The following NR4A1 variants were observed in gnomAD, a reference collection of about 807,000 sequenced individuals.
NR4A1 encodes nuclear receptor subfamily 4immunitygroup A member 1.
A neutral mutation model predicts 47.5 loss-of-function variants in NR4A1; 24 were observed. That is an observed-to-expected ratio of 0.50 (90% CI 0.37 to 0.71). The LOEUF is 0.71. NR4A1 is among the 30% of genes least tolerant of loss of function. NR4A1 has a pLI of 0.00. For missense variants in NR4A1, 669 were observed against 788.6 expected (o/e 0.85, Z 1.82); for synonymous variants, 353 against 345.7 (o/e 1.02, Z -0.24).
At chr12:52,048,391 A>C (rs111466228), upstream of NR4A1, among the ~76,000 whole-genome samples, 2 of 151,318 alleles carry the variant, frequency 1.3e-5, no homozygotes, top group South Asian at 2.1e-4. Context: ...TCAGGAGATC[A>C]AGACCATCCT....
intron 1 of NR4A1, among the ~76,000 whole-genome samples, chr12:52,035,168 A>G (rs552432949): frequency 1.5e-4 from 23 of 152,334 alleles, no homozygotes; most frequent in Non-Finnish European, 2.8e-4. Flanking sequence ...TCCGACAACC[A>G]GTGTCCATCC....
chr12:52,041,528 G>A (rs533867029), intron 1 of NR4A1, among the ~76,000 whole-genome samples: 31 of 152,320 alleles, frequency 2.0e-4, no homozygotes, highest in African/African-American at 6.7e-4. Flanking sequence ...AGGGTATGAG[G>A]TGGAGTTGCT....
intron 4 of NR4A1, 195 bp from the exon 5 acceptor site, chr12:52,056,862 C>A: frequency 3.8e-6 from 3 of 797,782 alleles, no homozygotes; most frequent in Non-Finnish European, 5.8e-6. Context: ...GGCAGGTGGC[C>A]AATTAGAAAA....
Position 52,057,154 on chromosome 12 carries a change from A to G in NR4A1, c.1256A>G (p.Lys419Arg), listed in dbSNP as rs143446097. 99 of 1,613,986 alleles carry G rather than the reference A, an allele frequency of 6.1e-5. No individual in the cohort carries two copies. The highest frequency in any genetic ancestry group is 7.7e-5 in the Non-Finnish European group (91 of 1,179,992). ...TCCGGTTCTCTGGAGGTCATCCGCAAGTGGGCGGAGAAGATCCCTGGCTTT... is the reference window on the plus strand; with the variant it reads ...TCCGGTTCTCTGGAGGTCATCCGCAGGTGGGCGGAGAAGATCCCTGGCTTT... ...LLSGSLEVIR[K>R]WAEKIPGFAE... Residue 419 changes from lysine to arginine, a missense_variant, in exon 5 of 7, where the codon AAG becomes AGG. By Grantham distance (26) the Lys-to-Arg change is conservative. Transcript: ENST00000394825.
chr12:52,057,200 C>T lies in NR4A1; in HGVS notation c.1302C>T (p.Asp434=), dbSNP rs754394464. ...IPGFAELSPA[D]QDLLLESAFL... is the part of the protein sequence containing the mutation. ...GCTTTGCTGAGCTGTCACCGGCTGA[C>T]CAGGACCTGTTGCTGGAGTCGGCCT... Residue 434 remains aspartate, a synonymous_variant, in exon 5 of 7, where the codon GAC becomes GAT. Transcript: ENST00000394825. The T allele has an allele frequency of 1.2e-6, 2 of 1,614,052 alleles. No individual in the cohort carries two copies. The highest frequency in any genetic ancestry group is 2.2e-5 in the East Asian group (1 of 44,886).
At chr12:52,052,233 C>G (rs1293782214) in intron 1 of NR4A1, among the ~76,000 whole-genome samples, 4 of 148,570 alleles carry the variant, frequency 2.7e-5, no homozygotes, top group Admixed American at 2.7e-4. Context: ...TCTCTGTAAG[C>G]ACAGGGAGAA....
rs139565751 is a variant in NR4A1, at chr12:52,031,489, T to C, written c.-84+8550T>C. Among the ~76,000 whole-genome samples the C allele has an allele frequency of 3.7e-4, 56 of 151,632 alleles. 2 individuals are homozygous for C. The East Asian group carries it at 8.8e-3, about 24-fold the overall frequency. Reference sequence around the variant, plus strand: ...CCATCTCTACTAAAAATACAAAAATTAGCCAGGTTTGGTGGCATGCGCCTG... The same window carrying C: ...CCATCTCTACTAAAAATACAAAAATCAGCCAGGTTTGGTGGCATGCGCCTG... On this transcript the variant is annotated intron_variant, in intron 1 of 7. Coordinates refer to the NR4A1 transcript ENST00000360284.
chr12:52,054,733 C>T lies in NR4A1; in HGVS notation c.405C>T (p.Pro135=). The T allele has an allele frequency of 6.2e-7, 1 of 1,613,180 alleles. No homozygotes were observed. Among genetic ancestry groups the T allele is most frequent in the East Asian group, 2.2e-5 (1 of 44,882 alleles). The change falls in exon 2 of 7, where the codon CCC becomes CCT. Residue 135 remains proline (P), a synonymous_variant. Transcript: ENST00000394825. ...SSSGSDYYGS[P]CSAPSPSTPS... ...GTGGCTCTGACTACTATGGCAGCCC[C>T]TGCTCGGCCCCGTCGCCCTCCACGC... is the stretch of plus-strand genomic sequence containing the variant.
chr12:52,024,263 C>T (rs955133722), intron 1 of NR4A1, among the ~76,000 whole-genome samples: 5 of 152,228 alleles, frequency 3.3e-5, no homozygotes, highest in African/African-American at 1.2e-4. Flanking sequence ...TAAGTCACCT[C>T]CAGAGATTAT....
Position 52,059,137 on chromosome 12 carries a change from A to G in NR4A1, c.*193A>G, listed in dbSNP as rs944506237. On this transcript the variant is annotated 3_prime_UTR_variant, in exon 7 of 7. Transcript: ENST00000394825. Reference sequence around the variant, plus strand: ...GGGATGCCTTCATGGGGGTGACCCCACGATTTGTCTTATCCCCCCCAGCCT... The same window carrying G: ...GGGATGCCTTCATGGGGGTGACCCCGCGATTTGTCTTATCCCCCCCAGCCT... 4.4e-6 allele frequency: 3 copies of G among 687,842 alleles called. No individual in the cohort carries two copies. Among genetic ancestry groups the G allele is most frequent in the Non-Finnish European group, 2.4e-6 (1 of 423,888 alleles). 42.6% of individuals were successfully genotyped at this position (687,842 alleles called of 1,614,324 possible). A position where few individuals can be genotyped will look rare whatever the true frequency, so the allele number is the denominator to read the frequency against.
At chr12:52,056,971 G>T (rs1939304581) in intron 4 of NR4A1, 86 bp from the exon 5 acceptor site, 2 of 1,277,948 alleles carry the variant, frequency 1.6e-6, no homozygotes, top group Non-Finnish European at 2.2e-6. Context: ...CCCGGGATCT[G>T]GCATCCAAGT....
chr12:52,038,383 C>G (rs979965967), intron 1 of NR4A1: 1 of 261,400 alleles, frequency 3.8e-6, no homozygotes, highest in African/African-American at 2.3e-5. Flanking sequence ...CTTTTTATGC[C>G]TTCGTTTTTG....
intron 1 of NR4A1, among the ~76,000 whole-genome samples, chr12:52,032,303 T>G (rs1938143776): frequency 6.6e-6 from 1 of 152,132 alleles, no homozygotes; most frequent in African/African-American, 2.4e-5. Flanking sequence ...AAGGGCAAAT[T>G]TGCTCTTCTT....
chr12:52,051,394 C>T, upstream of NR4A1: 1 of 985,542 alleles, frequency 1.0e-6, no homozygotes, highest in Non-Finnish European at 1.2e-6. Context: ...CCCCGCCCCT[C>T]CCCGTGCGTC....
chr12:52,024,528 C>T (rs1404914239), intron 1 of NR4A1, among the ~76,000 whole-genome samples: 2 of 151,958 alleles, frequency 1.3e-5, no homozygotes, highest in Non-Finnish European at 2.9e-5. Flanking sequence ...GACCTCGTCT[C>T]TACAAAAAAT....
At chr12:52,058,659 G>A in intron 6 of NR4A1, 29 bp from the exon 7 acceptor site, 2 of 1,533,316 alleles carry the variant, frequency 1.3e-6, no homozygotes, top group Non-Finnish European at 1.8e-6. Context: ...GTTCTCAGAT[G>A]TACAGCTAAT....
chr12:52,046,774 G>A (rs1938661861), upstream of NR4A1, among the ~76,000 whole-genome samples: 1 of 152,158 alleles, frequency 6.6e-6, no homozygotes, highest in South Asian at 2.1e-4. Context: ...ACGAGGTCAG[G>A]AGATCGAGAC....
chr12:52,049,656 A>G (rs1938821113), upstream of NR4A1, among the ~76,000 whole-genome samples: 1 of 152,236 alleles, frequency 6.6e-6, no homozygotes, highest in Non-Finnish European at 1.5e-5. Context: ...CCTTGTCTCA[A>G]AGACAACAAA....
intron 2 of NR4A1, chr12:52,043,778 T>C (rs953925009): frequency 7.8e-7 from 1 of 1,286,452 alleles, no homozygotes; most frequent in East Asian, 5.6e-5. Flanking sequence ...ATAGGCTGGC[T>C]GGGCAGCACG....
Sources: gnomAD v4.1 joint callset for allele counts (sites outside exome capture counted in the v4.1 genomes callset) on GRCh38, gnomAD v4.1.1 for gene constraint, MANE v1.5 for transcripts, NCBI Gene and HGNC (gene_info 2026-07-23, HGNC 2026-07-21) for gene names.